The following DENND2B variants were observed in gnomAD, a reference collection of about 807,000 sequenced individuals.
DENND2B encodes DENN domain containing 2B, also known as DENN domain-containing protein 2B.
In DENND2B, 32 loss-of-function variants were observed where a neutral mutation model predicts 116.0. That is an observed-to-expected ratio of 0.28 (90% confidence interval 0.21 to 0.37). The LOEUF is 0.37. Among genes scored for constraint, DENND2B ranks in the 10% least tolerant of loss-of-function variants. The pLI is 1.00. For missense variants in DENND2B, 1,276 were observed against 1,477.7 expected, an observed-to-expected ratio of 0.86 and a Z score of 2.24; for synonymous variants, 588 against 583.9, an observed-to-expected ratio of 1.01 and a Z score of -0.10.
intron 1 of DENND2B, chr11:8,776,154 G>GCA (rs753898926): frequency 6.9e-5 from 20 of 288,848 alleles, no homozygotes; most frequent in South Asian, 1.8e-4. Flanking sequence ...GCGCACGCGC[G>GCA]CGCGCGCACA....
Position 8,751,212 on chromosome 11 carries a change from G to T in DENND2B, c.-25-487C>A, listed in dbSNP as rs532561383. Among the ~76,000 whole-genome samples the T allele has an allele frequency of 1.1e-3, 166 of 152,188 alleles. 1 individual carries two copies. The highest frequency in any genetic ancestry group is 3.8e-3 in the African/African-American group (157 of 41,490). On this transcript the variant is annotated intron_variant, in intron 1 of 19. Transcript: ENST00000313726. The stretch of plus-strand genomic sequence containing the variant: ...TACATCAGTCCACAGGCTGTATCTA[G>T]CTAATCTAGTGGGGAGGTGGAGAAC...
intron 4 of DENND2B, chr11:8,831,614 CA>C (rs1273840351): frequency 6.6e-6 from 1 of 152,322 alleles, no homozygotes; most frequent in Non-Finnish European, 1.5e-5. Flanking sequence ...GTAATCCCAG[CA>C]CGTTGGGAGG....
chr11:8,735,490 C>T (rs761876645), intron 2 of DENND2B, among the ~76,000 whole-genome samples: 6 of 152,230 alleles, frequency 3.9e-5, no homozygotes, highest in African/African-American at 9.6e-5. Context: ...ATTTGCTCCA[C>T]GGCAGCAGTA....
chr11:8,717,903 G>T lies in DENND2B; in HGVS notation c.1478-11C>A, dbSNP rs1286526093. The T allele has an allele frequency of 6.2e-7, 1 of 1,604,774 alleles. No individual in the cohort carries two copies. The highest frequency in any genetic ancestry group is 8.5e-7 in the Non-Finnish European group (1 of 1,174,182). On this transcript the variant is annotated splice_polypyrimidine_tract_variant and intron_variant, in intron 4 of 19. Transcript: ENST00000313726. ...CCTTGGGCAGATCTCCTGCAGAGGA[G>T]GAAGAGTTAGAGAAGGGGGAGAAGG...
intron 1 of DENND2B, among the ~76,000 whole-genome samples, chr11:8,772,667 G>A (rs1287870603): frequency 1.9e-4 from 29 of 152,096 alleles, no homozygotes; most frequent in Admixed American, 1.9e-3. Flanking sequence ...ATGGGATGGT[G>A]CAAAATGAGG....
At chr11:8,756,945 C>T (rs1374062228) in intron 1 of DENND2B, 1 of 447,540 alleles carries the variant, frequency 2.2e-6, no homozygotes, top group Non-Finnish European at 4.5e-6. Context: ...GTTCAATTAG[C>T]ATATACCATC....
intron 1 of DENND2B, chr11:8,810,142 A>C (rs1320006517): frequency 1.3e-5 from 2 of 151,820 alleles, no homozygotes. Flanking sequence ...GCGGCTCAAA[A>C]GGCACTGGAG....
chr11:8,766,794 T>G, intron 1 of DENND2B: 2 of 700,286 alleles, frequency 2.9e-6, no homozygotes, highest in Admixed American at 5.0e-5. Context: ...GTGGGGGTGC[T>G]GGGTTGGAGA....
chr11:8,895,088 T>G (rs2064083448), intron 1 of DENND2B, among the ~76,000 whole-genome samples: 1 of 152,206 alleles, frequency 6.6e-6, no homozygotes, highest in Non-Finnish European at 1.5e-5. Context: ...GATGAGTTCA[T>G]GTCCTTTGTA....
chr11:8,754,029 G>GTGCGCACACA (rs1555169750), intron 1 of DENND2B, among the ~76,000 whole-genome samples: 3 of 138,732 alleles, frequency 2.2e-5, no homozygotes, highest in Non-Finnish European at 4.6e-5. Context: ...CCAAAAGCGC[G>GTGCGCACACA]CACACACACA....
chr11:8,723,058 T>C (rs892753123), intron 4 of DENND2B, among the ~76,000 whole-genome samples: 3 of 152,026 alleles, frequency 2.0e-5, no homozygotes, highest in African/African-American at 7.2e-5. Flanking sequence ...CCCTAATGAG[T>C]GGGGAGGCAG....
At chr11:8,890,755 C>T (rs944791047) in intron 1 of DENND2B, among the ~76,000 whole-genome samples, 1 of 152,210 alleles carries the variant, frequency 6.6e-6, no homozygotes, top group Admixed American at 6.5e-5. Context: ...AAGACCAAAT[C>T]TACATCTGAG....
At chr11:8,750,498 G>C in intron 2 of DENND2B, 123 bp downstream of exon 2, 1 of 766,336 alleles carries the variant, frequency 1.3e-6, no homozygotes, top group Non-Finnish European at 2.2e-6. Context: ...GTCAGCATGA[G>C]CTGGCCTAGA....
At chr11:8,860,242 G>A (rs1304770283) in intron 2 of DENND2B, among the ~76,000 whole-genome samples, 1 of 152,082 alleles carries the variant, frequency 6.6e-6, no homozygotes, top group African/African-American at 2.4e-5. Context: ...AAAACAGGAA[G>A]TCAAACTATC....
At chr11:8,756,112 AAAC>A (rs1345768911) in intron 1 of DENND2B, among the ~76,000 whole-genome samples, 1 of 152,218 alleles carries the variant, frequency 6.6e-6, no homozygotes, top group Non-Finnish European at 1.5e-5. Context: ...CCATCCATGA[AAAC>A]AACATTTGAC....
At chr11:8,891,505 G>T (rs2064032901) in intron 1 of DENND2B, among the ~76,000 whole-genome samples, 1 of 152,256 alleles carries the variant, frequency 6.6e-6, no homozygotes, top group Non-Finnish European at 1.5e-5. Context: ...CATCTCACAT[G>T]CAGAGACACA....
intron 1 of DENND2B, chr11:8,784,146 C>T (rs753183276): frequency 6.6e-6 from 1 of 151,818 alleles, no homozygotes; most frequent in Non-Finnish European, 1.5e-5. Flanking sequence ...TTTCAGATCC[C>T]ATCCCTCATA....
intron 3 of DENND2B, among the ~76,000 whole-genome samples, chr11:8,852,970 G>GA (rs985666630): frequency 1.3e-5 from 2 of 152,178 alleles, no homozygotes; most frequent in Non-Finnish European, 2.9e-5. Flanking sequence ...AAATTCATGT[G>GA]AAAATCTAAC....
At chr11:8,872,955 A>G (rs980615329), upstream of DENND2B, among the ~76,000 whole-genome samples, 3 of 152,158 alleles carry the variant, frequency 2.0e-5, no homozygotes, top group Non-Finnish European at 4.4e-5. Flanking sequence ...CCTGGGCCAT[A>G]TTTGGATGAA....
Sources: allele counts gnomAD v4.1 joint callset (sites outside exome capture counted in the v4.1 genomes callset), GRCh38; gene constraint gnomAD v4.1.1; transcripts MANE v1.5; gene names NCBI Gene and HGNC (gene_info 2026-07-23, HGNC 2026-07-21).